Variants in LRP1B observed in about 807,000 individuals in gnomAD.
LRP1B encodes low-density lipoprotein receptor-related protein 1B.
Under a neutral mutation model 556.6 loss-of-function variants are expected in LRP1B, and 217 were observed. That is an observed-to-expected ratio of 0.39 (90% CI 0.35 to 0.44). The LOEUF is 0.44. Among genes scored for constraint, LRP1B ranks in the 20% least tolerant of loss-of-function variants. The pLI is 1.00. For synonymous variants in LRP1B, 2,047 were observed against 1,865.8 expected (o/e 1.10, Z -2.50); for missense variants, 5,053 against 5,620.8 (o/e 0.90, Z 3.23).
intron 3 of LRP1B, among the ~76,000 whole-genome samples, chr2:141,357,629 A>G (rs1434932160): frequency 6.6e-6 from 1 of 152,182 alleles, no homozygotes; most frequent in Non-Finnish European, 1.5e-5. Flanking sequence ...GTTGGGTTTA[A>G]TAGATATTAA....
intron 25 of LRP1B, among the ~76,000 whole-genome samples, chr2:140,872,223 T>A (rs1693158115): frequency 6.6e-6 from 1 of 151,758 alleles, no homozygotes; most frequent in South Asian, 2.1e-4. Context: ...TAGTCTGGAG[T>A]TCCTCAAAGA....
chr2:140,260,764 AT>A (rs1370820726), intron 86 of LRP1B, among the ~76,000 whole-genome samples: 4 of 151,820 alleles, frequency 2.6e-5, no homozygotes, highest in Admixed American at 2.6e-4. Context: ...CTAATATCAG[AT>A]TTCAAATCTC....
intron 35 of LRP1B, among the ~76,000 whole-genome samples, chr2:140,748,387 ATATTATAT>A: frequency 5.3e-5 from 1 of 18,880 alleles, no homozygotes; most frequent in Non-Finnish European, 2.3e-4. Flanking sequence ...ATATATTCAT[ATATTATAT>A]TCATATATTA....
chr2:141,816,121 A>C (rs1696537495), intron 1 of LRP1B, among the ~76,000 whole-genome samples: 1 of 151,196 alleles, frequency 6.6e-6, no homozygotes, highest in Non-Finnish European at 1.5e-5. Flanking sequence ...GGATAGATAC[A>C]GAATAATTCT....
intron 60 of LRP1B, among the ~76,000 whole-genome samples, chr2:140,468,901 T>C (rs967654437): frequency 1.3e-5 from 2 of 152,180 alleles, no homozygotes; most frequent in African/African-American, 4.8e-5. Context: ...CAGTGCACCA[T>C]TGTATTTTGG....
chr2:140,804,649 A>AAT (rs1690648245), intron 32 of LRP1B, among the ~76,000 whole-genome samples: 1 of 57,936 alleles, frequency 1.7e-5, no homozygotes, highest in South Asian at 6.8e-4. Flanking sequence ...GTAAAAACTA[A>AAT]TTTTTTTTTT....
chr2:141,909,857 CTAAT>C (rs952260188), intron 1 of LRP1B, among the ~76,000 whole-genome samples: 2 of 151,908 alleles, frequency 1.3e-5, no homozygotes, highest in Admixed American at 6.6e-5. Flanking sequence ...TTATAACAAT[CTAAT>C]TAAAAATTCT....
intron 2 of LRP1B, among the ~76,000 whole-genome samples, chr2:141,644,152 A>G (rs1221473349): frequency 6.6e-6 from 1 of 151,574 alleles, no homozygotes; most frequent in Non-Finnish European, 1.5e-5. Context: ...TTTCCTCTCT[A>G]TTAGTGATGT....
At chr2:140,723,996 G>C (rs1311804093) in intron 35 of LRP1B, among the ~76,000 whole-genome samples, 1 of 152,184 alleles carries the variant, frequency 6.6e-6, no homozygotes, top group East Asian at 1.9e-4. Flanking sequence ...AATGAGGACT[G>C]ATTCTTGTAC....
At chr2:140,644,440 C>T (rs1684409082) in intron 41 of LRP1B, among the ~76,000 whole-genome samples, 2 of 147,674 alleles carry the variant, frequency 1.4e-5, no homozygotes, top group African/African-American at 5.0e-5. Flanking sequence ...TCCTCTGTCA[C>T]CTAGGCCAGA....
At chr2:141,703,042 T>A (rs1054757374) in intron 2 of LRP1B, among the ~76,000 whole-genome samples, 5 of 152,038 alleles carry the variant, frequency 3.3e-5, no homozygotes, top group African/African-American at 1.2e-4. Context: ...TGATTATATA[T>A]AATAGGATAA....
chr2:141,953,087 T>C (rs550286592), intron 1 of LRP1B, among the ~76,000 whole-genome samples: 5 of 152,214 alleles, frequency 3.3e-5, no homozygotes, highest in Admixed American at 2.6e-4. Context: ...ATCTTTGTTT[T>C]TGACTCTCTT....
intron 6 of LRP1B, among the ~76,000 whole-genome samples, chr2:141,216,803 CA>C (rs1472219672): frequency 1.3e-5 from 2 of 152,152 alleles, no homozygotes; most frequent in Non-Finnish European, 2.9e-5. Context: ...TTCTTTTGGT[CA>C]GTTTCTGTTT....
intron 41 of LRP1B, among the ~76,000 whole-genome samples, chr2:140,659,329 C>A (rs1248040443): frequency 2.0e-5 from 3 of 151,720 alleles, no homozygotes; most frequent in Admixed American, 1.3e-4. Flanking sequence ...TGATACTACC[C>A]TGTGTACATA....
At chr2:142,053,968 A>G (rs996656868) in intron 1 of LRP1B, among the ~76,000 whole-genome samples, 2 of 152,086 alleles carry the variant, frequency 1.3e-5, no homozygotes, top group African/African-American at 2.4e-5. Context: ...ACCCAAGGAA[A>G]CAATATTTGA....
intron 1 of LRP1B, among the ~76,000 whole-genome samples, chr2:141,856,912 G>GAA (rs75949531): frequency 1.4e-5 from 2 of 140,138 alleles, no homozygotes; most frequent in Non-Finnish European, 3.1e-5. Flanking sequence ...ACTATTACAG[G>GAA]AAAAAAAAAA....
intron 3 of LRP1B, among the ~76,000 whole-genome samples, chr2:141,298,242 C>T (rs904770640): frequency 6.6e-6 from 1 of 152,096 alleles, no homozygotes; most frequent in Non-Finnish European, 1.5e-5. Flanking sequence ...AAAAATGTGG[C>T]CTTGCCCAAA....
At chr2:141,343,771 C>G (rs1460267779) in intron 3 of LRP1B, among the ~76,000 whole-genome samples, 1 of 152,102 alleles carries the variant, frequency 6.6e-6, no homozygotes, top group Non-Finnish European at 1.5e-5. Flanking sequence ...TTTACCTAGC[C>G]TTGTATAGTT....
At position 141,049,225 on chromosome 2, in the gene LRP1B, G is replaced by A. The variant is rs2105446374; in HGVS notation, c.1553-3C>T. 2 of 1,578,594 alleles carry A rather than the reference G, an allele frequency of 1.3e-6. No individual in the cohort carries two copies. Among genetic ancestry groups the A allele is most frequent in the Non-Finnish European group, 1.7e-6 (2 of 1,148,080 alleles). ...GAGGAACAACTCATTCTTTGGTCCT[G>A]CAGAGGAAAGATTACAAACACAAAC... On this transcript the variant is annotated splice_polypyrimidine_tract_variant and splice_region_variant and intron_variant, in intron 10 of 90. Transcript: ENST00000389484.
Sources: allele counts gnomAD v4.1 joint callset (sites outside exome capture counted in the v4.1 genomes callset), GRCh38; gene constraint gnomAD v4.1.1; transcripts MANE v1.5; gene names NCBI Gene and HGNC (gene_info 2026-07-23, HGNC 2026-07-21).